Variants in ADCY7 observed in about 807,000 individuals in gnomAD.
ADCY7 encodes the protein adenylate cyclase 7, also known as adenylate cyclase type 7.
ADCY7 carries 72 observed loss-of-function variants against 120.6 expected under a neutral mutation model. The ratio of observed to expected loss-of-function variants is 0.60; its 90% confidence interval spans 0.49 to 0.73. ADCY7 has a LOEUF of 0.73. Among genes scored for constraint, ADCY7 ranks in the 30% least tolerant of loss-of-function variants. The pLI is 0.00. For synonymous variants in ADCY7, 661 were observed against 628.0 expected (o/e 1.05, Z -0.78); for missense variants, 1,227 against 1,486.0 (o/e 0.83, Z 2.87).
chr16:50,308,200 T>C lies in ADCY7; in HGVS notation c.1851-127T>C, dbSNP rs114386243. ...GCAGCTGGGCCACAGTTTTCACAGG[T>C]CCCCTTTGCTGTGGGCAGAATACCA... On this transcript the variant is annotated intron_variant, in intron 15 of 25. Coordinates refer to ENST00000673801, the MANE Select transcript of ADCY7 (RefSeq NM_001114.5). 728 of 1,532,100 alleles carry C rather than the reference T, an allele frequency of 4.8e-4. 4 individuals are homozygous for C. In the African/African-American group the frequency reaches 9.0e-3, roughly 19 times the overall value. 94.9% of individuals were successfully genotyped at this position (1,532,100 alleles called of 1,614,324 possible).
intron 1 of ADCY7, among the ~76,000 whole-genome samples, chr16:50,257,741 A>G (rs1290632005): frequency 2.7e-5 from 4 of 150,534 alleles, no homozygotes; most frequent in Admixed American, 2.6e-4. Context: ...TATATATTAG[A>G]TTTATCTTTT....
At position 50,301,231 on chromosome 16, in the gene ADCY7, G is replaced by A; in HGVS notation, c.1368+17G>A. The A allele has an allele frequency of 1.3e-6, 2 of 1,557,284 alleles. No individual in the cohort carries two copies. The highest frequency in any genetic ancestry group is 1.7e-6 in the Non-Finnish European group (2 of 1,152,324). On this transcript the variant is annotated intron_variant, in intron 10 of 25. Coordinates refer to ENST00000673801, the MANE Select transcript of ADCY7 (RefSeq NM_001114.5). ...GACCCCCGGGTACGAGGGCTCAGAGGCCGCAGCTGGGGGGGACCCGGAGGG... is the reference window on the plus strand; with the variant it reads ...GACCCCCGGGTACGAGGGCTCAGAGACCGCAGCTGGGGGGGACCCGGAGGG...
intron 1 of ADCY7, among the ~76,000 whole-genome samples, chr16:50,255,878 GT>G (rs1426421567): frequency 6.6e-6 from 1 of 152,172 alleles, no homozygotes; most frequent in Non-Finnish European, 1.5e-5. Context: ...AGAAGACTGG[GT>G]TTTCACAGGC....
At chr16:50,294,893 C>T (rs538879220) in intron 7 of ADCY7, 142 bp downstream of exon 7, 27 of 614,600 alleles carry the variant, frequency 4.4e-5, no homozygotes, top group Admixed American at 1.4e-4. Flanking sequence ...CAAACACAAG[C>T]GCCCCATGGT....
chr16:50,310,306 T>G (rs901770202), intron 18 of ADCY7: 5 of 696,306 alleles, frequency 7.2e-6, no homozygotes, highest in Non-Finnish European at 1.2e-5. Flanking sequence ...AAGAGCGTGG[T>G]CTTTATTCTG....
chr16:50,275,520 G>A (rs537418400), intron 1 of ADCY7, among the ~76,000 whole-genome samples: 590 of 152,284 alleles, frequency 3.9e-3, no homozygotes, highest in Non-Finnish European at 5.8e-3. Context: ...ACAAAAGGAT[G>A]GGGAAATGTT....
chr16:50,299,467 G>A (rs1596943002), intron 8 of ADCY7, among the ~76,000 whole-genome samples: 1 of 152,224 alleles, frequency 6.6e-6, no homozygotes, highest in Admixed American at 6.5e-5. Flanking sequence ...GAGACCCCCC[G>A]CTCCCCTCTA....
chr16:50,297,866 C>T lies in ADCY7; in HGVS notation c.949-1038C>T, dbSNP rs2035458832. On this transcript the variant is annotated intron_variant, in intron 7 of 25. Coordinates refer to ENST00000673801, the MANE Select transcript of ADCY7 (RefSeq NM_001114.5). The surrounding 1 kb of genome is among the most constrained non-coding windows in gnomAD (Gnocchi z 4.4). ...CTGGGGCGTCCAGTCCGAGGGTCAG[C>T]TGAGTGGGGTAGAGGGTGGGGAGGG... Among the ~76,000 whole-genome samples the T allele has an allele frequency of 6.6e-6, 1 of 152,160 alleles. No individual in the cohort carries two copies. The highest frequency in any genetic ancestry group is 1.5e-5 in the Non-Finnish European group (1 of 68,024).
intron 1 of ADCY7, among the ~76,000 whole-genome samples, chr16:50,270,732 C>G (rs1288779734): frequency 6.6e-6 from 1 of 152,236 alleles, no homozygotes; most frequent in Non-Finnish European, 1.5e-5. Context: ...CATTTTCTTT[C>G]TGTTCCTCAG....
chr16:50,292,661 CCT>C lies in ADCY7; in HGVS notation c.538-14_538-13del, dbSNP rs754839652. 13 of 1,612,776 alleles carry C rather than the reference CCT, an allele frequency of 8.1e-6. No homozygotes were observed. The highest frequency in any genetic ancestry group is 3.3e-5 in the Admixed American group (2 of 59,946). ...GCCAGGCCACATAATGAGCCAAACC[CCT>C]GTCTACCCGCAGCTGCTGGCCAACG... On this transcript the variant is annotated splice_polypyrimidine_tract_variant and intron_variant, in intron 4 of 25. Transcript: ENST00000673801.
rs1183868607 is a variant in ADCY7 at position 50,253,597 on chromosome 16, A to G, written c.-64+7394A>G. On this transcript the variant is annotated intron_variant, in intron 1 of 4. Coordinates refer to the ADCY7 transcript ENST00000564044. Reference sequence around the variant, plus strand: ...TACCTTTGTGGTGCCCTCAGGCTGGACCCAGGTTTGTGGTGGGACCACGTC... The same window carrying G: ...TACCTTTGTGGTGCCCTCAGGCTGGGCCCAGGTTTGTGGTGGGACCACGTC... 2.6e-5 allele frequency among the ~76,000 whole-genome samples: 4 copies of G among 152,290 alleles called. No homozygotes were observed. In the East Asian group the frequency reaches 7.7e-4, roughly 29 times the overall value.
At chr16:50,255,712 G>A (rs1012890469) in intron 1 of ADCY7, among the ~76,000 whole-genome samples, 2 of 152,096 alleles carry the variant, frequency 1.3e-5, no homozygotes, top group South Asian at 2.1e-4. Context: ...GGCTGGTCTC[G>A]AACTCCTGAG....
intron 7 of ADCY7, among the ~76,000 whole-genome samples, chr16:50,298,447 G>A (rs2035498584): frequency 6.6e-6 from 1 of 152,116 alleles, no homozygotes. Context: ...CTGTGCCTTG[G>A]TTTTCTCCTT....
intron 2 of ADCY7, chr16:50,289,116 T>C: frequency 3.9e-6 from 1 of 256,958 alleles, no homozygotes; most frequent in Non-Finnish European, 7.8e-6. Context: ...CCTCACTTCC[T>C]GTACCCATGC....
At chr16:50,301,551 C>G (rs1021781110) in intron 10 of ADCY7, 2 of 250,822 alleles carry the variant, frequency 8.0e-6, no homozygotes, top group African/African-American at 4.4e-5. Flanking sequence ...TTATTAATCT[C>G]CCAGATTTCC....
intron 1 of ADCY7, among the ~76,000 whole-genome samples, chr16:50,287,497 G>A (rs974837714): frequency 3.3e-5 from 5 of 151,806 alleles, no homozygotes; most frequent in African/African-American, 1.2e-4. Flanking sequence ...AAACCACCCT[G>A]GGCAGCAGGG....
chr16:50,291,914 G>C lies in ADCY7; in HGVS notation c.537+17G>C. 6.3e-7 allele frequency: 1 copy of C among 1,588,970 alleles called. No homozygotes were observed. The highest frequency in any genetic ancestry group is 8.6e-7 in the Non-Finnish European group (1 of 1,166,816). ...GGGCTGCAGGTGAGGGATGGGCTAAGGCCTCTGGGGGAGGTTTTGTGGTCT... is the reference window on the plus strand; with the variant it reads ...GGGCTGCAGGTGAGGGATGGGCTAACGCCTCTGGGGGAGGTTTTGTGGTCT... On this transcript the variant is annotated intron_variant, in intron 4 of 25. Transcript: ENST00000673801.
chr16:50,298,857 C>T, intron 7 of ADCY7, 47 bp from the exon 8 acceptor site: 1 of 1,587,774 alleles, frequency 6.3e-7, no homozygotes, highest in East Asian at 2.3e-5. Context: ...CGTGAGAGGT[C>T]CCAGCCCCAC....
Position 50,292,732 on chromosome 16 carries a change from G to A in ADCY7, c.594G>A (p.Lys198=). 1 of 1,614,018 alleles carries A rather than the reference G, an allele frequency of 6.2e-7. No homozygotes were observed. Among genetic ancestry groups the A allele is most frequent in the Non-Finnish European group, 8.5e-7 (1 of 1,180,002 alleles). Residue 198 remains lysine, a synonymous_variant, in exon 5 of 26, where the codon AAG becomes AAA. Coordinates refer to ENST00000673801, the MANE Select transcript of ADCY7 (RefSeq NM_001114.5). ...GGAACCTGACAGGCGCCTTCCACAA[G>A]CACCAAATGCAGGATGCATCCCGGG... ...LCGNLTGAFH[K]HQMQDASRDL...
Sources: gnomAD v4.1 joint callset for allele counts (sites outside exome capture counted in the v4.1 genomes callset) on GRCh38, gnomAD v4.1.1 for gene constraint, Gnocchi (gnomAD v3.1) non-coding constraint, MANE v1.5 for transcripts, NCBI Gene and HGNC (gene_info 2026-07-23, HGNC 2026-07-21) for gene names.